Variants in KIAA1328 observed in about 807,000 individuals in gnomAD.
KIAA1328 encodes the protein KIAA1328.
Under a neutral mutation model 68.1 loss-of-function variants are expected in KIAA1328, and 52 were observed. The ratio of observed to expected loss-of-function variants is 0.76; its 90% CI spans 0.61 to 0.96. The LOEUF (loss-of-function observed/expected upper bound fraction) is 0.96. Among genes scored for constraint, KIAA1328 ranks in the 40% least tolerant of loss-of-function variants. KIAA1328 has a pLI of 0.00. For synonymous variants in KIAA1328, 232 were observed against 239.4 expected (o/e 0.97, Z 0.28); for missense variants, 641 against 677.6 (o/e 0.95, Z 0.60).
At chr18:37,178,350 G>C (rs1445338692) in intron 9 of KIAA1328, among the ~76,000 whole-genome samples, 1 of 152,078 alleles carries the variant, frequency 6.6e-6, no homozygotes, top group Admixed American at 6.6e-5. Context: ...TTTGTTTTTT[G>C]TGCCCGGCTT....
chr18:37,181,311 C>A (rs1000514990), intron 9 of KIAA1328, among the ~76,000 whole-genome samples: 11 of 151,996 alleles, frequency 7.2e-5, no homozygotes, highest in African/African-American at 2.7e-4. Context: ...ACATGCCTGT[C>A]TCCCATGTTT....
At chr18:37,116,809 G>T (rs1203659833) in intron 7 of KIAA1328, among the ~76,000 whole-genome samples, 3 of 151,996 alleles carry the variant, frequency 2.0e-5, no homozygotes, top group African/African-American at 7.2e-5. Context: ...TTAAACAAAT[G>T]TACAAGAAAA....
chr18:36,977,346 C>T (rs962058906), intron 6 of KIAA1328, among the ~76,000 whole-genome samples: 8 of 152,164 alleles, frequency 5.3e-5, no homozygotes, highest in Non-Finnish European at 1.0e-4. Flanking sequence ...GTTTAATGCT[C>T]TGTTGATTTT....
chr18:37,084,596 T>C (rs1244248571), intron 7 of KIAA1328, among the ~76,000 whole-genome samples: 3 of 87,814 alleles, frequency 3.4e-5, no homozygotes, highest in Non-Finnish European at 3.9e-5. Context: ...TTAAATACTC[T>C]GTGAAAACAT....
chr18:37,025,084 A>T (rs573532644), intron 6 of KIAA1328, among the ~76,000 whole-genome samples: 2 of 152,264 alleles, frequency 1.3e-5, no homozygotes, highest in Admixed American at 1.3e-4. Flanking sequence ...CTGGTATGAG[A>T]TGGCATCTCA....
intron 6 of KIAA1328, among the ~76,000 whole-genome samples, chr18:36,960,651 C>T (rs1180251984): frequency 6.6e-6 from 1 of 152,160 alleles, no homozygotes; most frequent in Non-Finnish European, 1.5e-5. Context: ...GCAGCCTCTG[C>T]TGGTGATACC....
chr18:36,857,721 G>T (rs921952693), intron 4 of KIAA1328, among the ~76,000 whole-genome samples: 1 of 152,200 alleles, frequency 6.6e-6, no homozygotes, highest in African/African-American at 2.4e-5. Flanking sequence ...AGTCACTTCA[G>T]TGAAGAGAAA....
chr18:36,830,358 T>C (rs991090444), intron 1 of KIAA1328, among the ~76,000 whole-genome samples: 1 of 152,246 alleles, frequency 6.6e-6, no homozygotes, highest in African/African-American at 2.4e-5. Context: ...GATGAAAGCA[T>C]ACTAGTGCAG....
chr18:36,981,373 A>G (rs2052680304), intron 6 of KIAA1328, among the ~76,000 whole-genome samples: 1 of 152,206 alleles, frequency 6.6e-6, no homozygotes, highest in Non-Finnish European at 1.5e-5. Context: ...ATAAATATAT[A>G]ATACCCAAGA....
At chr18:37,048,560 C>T (rs549842935) in intron 6 of KIAA1328, among the ~76,000 whole-genome samples, 51 of 151,244 alleles carry the variant, frequency 3.4e-4, no homozygotes, top group Admixed American at 2.3e-3. Flanking sequence ...AGTTTTAAAC[C>T]CTTTTCATGG....
chr18:36,894,607 C>CT (rs1487670941), intron 5 of KIAA1328, among the ~76,000 whole-genome samples: 6 of 152,036 alleles, frequency 3.9e-5, no homozygotes, highest in Admixed American at 6.6e-5. Context: ...TCACTGCAGC[C>CT]TTTAACTCCC....
At chr18:37,131,880 G>A (rs1213346007) in intron 7 of KIAA1328, among the ~76,000 whole-genome samples, 1 of 151,852 alleles carries the variant, frequency 6.6e-6, no homozygotes, top group Admixed American at 6.6e-5. Context: ...AGGGTTCTGG[G>A]GTCAAATGAA....
At chr18:36,852,298 G>T (rs2047238007) in intron 4 of KIAA1328, among the ~76,000 whole-genome samples, 1 of 152,096 alleles carries the variant, frequency 6.6e-6, no homozygotes, top group Admixed American at 6.6e-5. Flanking sequence ...AGGTTTAGCT[G>T]GTTATTGTGT....
intron 4 of KIAA1328, among the ~76,000 whole-genome samples, chr18:36,878,464 C>A (rs138518304): frequency 0.13 from 20,293 of 152,146 alleles, 1,737 homozygotes; most frequent in Admixed American, 0.18. Flanking sequence ...TTCATTTCAA[C>A]CTTGATGAAT....
intron 9 of KIAA1328, among the ~76,000 whole-genome samples, chr18:37,184,303 T>C (rs1407221484): frequency 1.3e-5 from 2 of 152,244 alleles, no homozygotes; most frequent in African/African-American, 2.4e-5. Flanking sequence ...TTAGAAAACA[T>C]CTTGGCTTTC....
intron 7 of KIAA1328, among the ~76,000 whole-genome samples, chr18:37,156,392 C>T (rs1234832270): frequency 7.3e-6 from 1 of 136,240 alleles, no homozygotes; most frequent in African/African-American, 2.8e-5. Flanking sequence ...TGCCATTGCA[C>T]TCCAGCCTAG....
intron 6 of KIAA1328, among the ~76,000 whole-genome samples, chr18:37,054,031 A>G (rs1231976525): frequency 6.6e-6 from 1 of 152,164 alleles, no homozygotes; most frequent in Non-Finnish European, 1.5e-5. Context: ...AAGATATGTA[A>G]GTGGCCAAGA....
intron 9 of KIAA1328, among the ~76,000 whole-genome samples, chr18:37,206,369 T>C (rs1189107570): frequency 6.6e-6 from 1 of 152,174 alleles, no homozygotes; most frequent in East Asian, 1.9e-4. Flanking sequence ...TATGGTAGTA[T>C]CTATGAGGAA....
intron 5 of KIAA1328, among the ~76,000 whole-genome samples, chr18:36,954,157 C>T (rs541164947): frequency 2.0e-5 from 3 of 151,970 alleles, no homozygotes; most frequent in East Asian, 3.9e-4. Flanking sequence ...CGCCTGCCAC[C>T]GCGCCCGGCT....
Sources: allele counts gnomAD v4.1 joint callset (sites outside exome capture counted in the v4.1 genomes callset), GRCh38; gene constraint gnomAD v4.1.1; transcripts MANE v1.5; gene names NCBI Gene and HGNC (gene_info 2026-07-23, HGNC 2026-07-21).